The following UBE2D3 variants were observed in gnomAD, a reference collection of about 807,000 sequenced individuals.
UBE2D3 encodes the protein ubiquitin conjugating enzyme E2 D3.
A neutral mutation model predicts 22.8 loss-of-function variants in UBE2D3; 2 were observed. The observed-to-expected ratio is 0.09, with a 90% confidence interval of 0.04 to 0.28. The LOEUF is 0.28. Ranked by LOEUF, UBE2D3 falls within the 10% of genes least tolerant of loss-of-function variation. The pLI, the probability that UBE2D3 is intolerant of heterozygous loss-of-function variation, is 1.00. For missense variants in UBE2D3, 27 were observed against 182.5 expected (o/e 0.15, Z 4.91); for synonymous variants, 56 against 60.4 (o/e 0.93, Z 0.34).
At chr4:102,852,055 A>AGGTT (rs10556259) in intron 1 of UBE2D3, among the ~76,000 whole-genome samples, 86,844 of 151,484 alleles carry the variant, frequency 0.57, 26,146 homozygotes, top group African/African-American at 0.78. Context: ...CCATGTAACT[A>AGGTT]TTGGCCCATG....
At chr4:102,800,706 TAC>T (rs1726022486) in intron 6 of UBE2D3, among the ~76,000 whole-genome samples, 3 of 152,230 alleles carry the variant, frequency 2.0e-5, no homozygotes, top group African/African-American at 2.4e-5. Context: ...ATGCTACTGC[TAC>T]AGTCTCTCTC....
intron 1 of UBE2D3, chr4:102,843,893 A>G (rs972741030): frequency 1.3e-5 from 2 of 152,122 alleles, no homozygotes; most frequent in Non-Finnish European, 2.9e-5. Flanking sequence ...CTGAGACAAG[A>G]CAGTAAGGAC....
intron 4 of UBE2D3, among the ~76,000 whole-genome samples, chr4:102,803,657 A>C (rs1726556519): frequency 6.6e-6 from 1 of 152,262 alleles, no homozygotes; most frequent in Non-Finnish European, 1.5e-5. Context: ...AAGTAACTGC[A>C]ATGAAATGTT....
intron 2 of UBE2D3, among the ~76,000 whole-genome samples, chr4:102,820,327 G>C (rs535316442): frequency 6.6e-6 from 1 of 152,308 alleles, no homozygotes; most frequent in East Asian, 1.9e-4. Flanking sequence ...GTTATTTCAA[G>C]AGAAGGATGC....
intron 1 of UBE2D3, among the ~76,000 whole-genome samples, chr4:102,840,121 T>TAAGGATGCAG (rs777105231): frequency 2.6e-5 from 4 of 152,166 alleles, no homozygotes; most frequent in Non-Finnish European, 4.4e-5. Flanking sequence ...CAGATGCTGG[T>TAAGGATGCAG]AAGGATGCAG....
intron 2 of UBE2D3, chr4:102,811,795 C>T (rs745775803): frequency 4.0e-5 from 18 of 445,434 alleles, no homozygotes; most frequent in Non-Finnish European, 7.6e-5. Context: ...GGCGAGAGGA[C>T]AGCTTGAGCG....
In UBE2D3 at chr4:102,860,886, T is replaced by G. The variant is rs2110379595; in HGVS notation, c.-129+7829A>C. On this transcript the variant is annotated intron_variant, in intron 1 of 7. Transcript: ENST00000338145. ...CAGTTGAGGGGTTCTGCAGGTGAAG[T>G]GTCCTGTAGGGCTCATGGGTGAGCC... Among the ~76,000 whole-genome samples, 4 of 151,922 alleles carry G rather than the reference T, an allele frequency of 2.6e-5. No individual in the cohort carries two copies. In the Middle Eastern group the frequency reaches 0.014, roughly 517 times the overall value.
At chr4:102,815,178 G>A (rs191579851) in intron 2 of UBE2D3, among the ~76,000 whole-genome samples, 62 of 152,008 alleles carry the variant, frequency 4.1e-4, no homozygotes, top group Admixed American at 2.7e-3. Context: ...CGAGTAACTG[G>A]AACTAGAGAT....
At chr4:102,803,413 T>C (rs1560845999) in intron 4 of UBE2D3, among the ~76,000 whole-genome samples, 1 of 152,226 alleles carries the variant, frequency 6.6e-6, no homozygotes, top group Non-Finnish European at 1.5e-5. Context: ...TCCCCTCTAT[T>C]AGAAAGGCTT....
intron 1 of UBE2D3, among the ~76,000 whole-genome samples, chr4:102,852,233 A>T (rs1487638941): frequency 6.6e-6 from 1 of 152,238 alleles, no homozygotes; most frequent in Non-Finnish European, 1.5e-5. Context: ...AGATCAGATT[A>T]AAAAGCTAAA....
In UBE2D3 at chr4:102,806,426, T is replaced by C. The variant is rs1352709287; in HGVS notation, c.120+3246A>G. Among the ~76,000 whole-genome samples, 4 of 152,106 alleles carry C rather than the reference T, an allele frequency of 2.6e-5. No homozygotes were observed. The East Asian group carries it at 5.8e-4, about 22-fold the overall frequency. ...CTCTTTTATTAGACTACAAAGCTCC[T>C]CAACGAGTAAGGTTAAAGGTGGAAA... On this transcript the variant is annotated intron_variant, in intron 4 of 7. Transcript: ENST00000453744.
chr4:102,816,117 C>T (rs908914911), intron 2 of UBE2D3, among the ~76,000 whole-genome samples: 5 of 152,206 alleles, frequency 3.3e-5, no homozygotes, highest in Admixed American at 1.3e-4. Context: ...ATTTTGTCTA[C>T]TCAATAAACC....
intron 1 of UBE2D3, among the ~76,000 whole-genome samples, chr4:102,839,113 G>T (rs1313005103): frequency 6.6e-6 from 1 of 152,116 alleles, no homozygotes; most frequent in Admixed American, 6.5e-5. Context: ...CTACAGCTAA[G>T]GTTGAATGGC....
At chr4:102,866,908 ATAACAGT>A (rs1733169380) in intron 1 of UBE2D3, among the ~76,000 whole-genome samples, 1 of 152,192 alleles carries the variant, frequency 6.6e-6, no homozygotes. Flanking sequence ...GAGATTAAAG[ATAACAGT>A]TAACAGAATA....
At chr4:102,825,226 T>G in intron 2 of UBE2D3, 1 of 985,790 alleles carries the variant, frequency 1.0e-6, no homozygotes, top group African/African-American at 1.7e-5. Context: ...AAACCAAAGT[T>G]TCTAACACTC....
At chr4:102,816,316 T>C (rs533431255) in intron 2 of UBE2D3, among the ~76,000 whole-genome samples, 1 of 152,320 alleles carries the variant, frequency 6.6e-6, no homozygotes, top group Admixed American at 6.5e-5. Context: ...CTTCCTTCTA[T>C]AATCAAGAGC....
At chr4:102,827,774 G>A (rs1005444290), upstream of UBE2D3, 32 of 986,210 alleles carry the variant, frequency 3.2e-5, no homozygotes, top group Non-Finnish European at 3.6e-5. Flanking sequence ...CAGGAGGGCG[G>A]GGGAGGGAGG....
chr4:102,804,630 T>TATCTGTGTAAATTATCTGTGTAAAATTA (rs1726743520), intron 4 of UBE2D3, among the ~76,000 whole-genome samples: 2 of 152,198 alleles, frequency 1.3e-5, no homozygotes, highest in Non-Finnish European at 2.9e-5. Flanking sequence ...GATATGTTTT[T>TATCTGTGTAAATTATCTGTGTAAAATTA]TCTGTGTAAA....
chr4:102,829,870 C>G (rs1731019935), upstream of UBE2D3, among the ~76,000 whole-genome samples: 1 of 151,952 alleles, frequency 6.6e-6, no homozygotes, highest in Non-Finnish European at 1.5e-5. Flanking sequence ...GCCTGGAAGG[C>G]GGAGGTTGCG....
Sources: allele counts gnomAD v4.1 joint callset (sites outside exome capture counted in the v4.1 genomes callset), GRCh38; gene constraint gnomAD v4.1.1; transcripts MANE v1.5; gene names NCBI Gene and HGNC (gene_info 2026-07-23, HGNC 2026-07-21).